DOCK1: variants seen among roughly 807,000 people sequenced by gnomAD.
DOCK1 encodes dedicator of cytokinesis protein 1.
Under a neutral mutation model 262.7 loss-of-function variants are expected in DOCK1, and 138 were observed. The ratio of observed to expected loss-of-function variants is 0.53; its 90% CI spans 0.46 to 0.61. DOCK1 has a LOEUF of 0.61. Among genes scored for constraint, DOCK1 ranks in the 20% least tolerant of loss-of-function variants. DOCK1 has a pLI of 0.00. For missense variants in DOCK1, 1,908 were observed against 2,370.7 expected, an observed-to-expected ratio of 0.80 and a Z score of 4.05; for synonymous variants, 866 against 867.4, an observed-to-expected ratio of 1.00 and a Z score of 0.03.
At chr10:127,388,228 T>C (rs1266071586) in intron 38 of DOCK1, among the ~76,000 whole-genome samples, 1 of 152,212 alleles carries the variant, frequency 6.6e-6, no homozygotes, top group African/African-American at 2.4e-5. Flanking sequence ...ACAAAGGCTA[T>C]GGCAAAGTGA....
intron 23 of DOCK1, among the ~76,000 whole-genome samples, chr10:127,094,926 T>C (rs2047815103): frequency 6.6e-6 from 1 of 152,190 alleles, no homozygotes; most frequent in Admixed American, 6.5e-5. Context: ...GGTGACCAGT[T>C]TTCACCAATT....
chr10:127,282,324 C>T (rs2060992074), intron 29 of DOCK1, among the ~76,000 whole-genome samples: 1 of 152,034 alleles, frequency 6.6e-6, no homozygotes, highest in South Asian at 2.1e-4. Context: ...AAAGCTAAAC[C>T]ATTGGCCTGG....
chr10:127,002,221 C>G (rs1243503151), intron 10 of DOCK1, among the ~76,000 whole-genome samples: 1 of 152,104 alleles, frequency 6.6e-6, no homozygotes, highest in African/African-American at 2.4e-5. Context: ...TTTGAGCAAT[C>G]AGAGACATCT....
At chr10:127,301,641 C>T (rs78203842) in intron 29 of DOCK1, among the ~76,000 whole-genome samples, 16,611 of 152,152 alleles carry the variant, frequency 0.11, 1,154 homozygotes, top group African/African-American at 0.19. Context: ...TTAAAGATCC[C>T]TGGACATAAA....
Position 126,963,640 on chromosome 10 carries a change from CTCCT to C in DOCK1, c.47-7033_47-7030del, listed in dbSNP as rs1229446126. 7.8e-3 allele frequency among the ~76,000 whole-genome samples: 510 copies of C among 65,056 alleles called. 16 individuals are homozygous for C. Among genetic ancestry groups the C allele is most frequent in the Admixed American group, 0.013 (66 of 5,218 alleles). 42.7% of individuals were successfully genotyped at this position (65,056 alleles called of 152,430 possible). On this transcript the variant is annotated intron_variant, in intron 1 of 51. Transcript: ENST00000623213. The stretch of plus-strand genomic sequence containing the variant: ...CTTCCCTTCCCTTCCCTTCCCTTCC[CTCCT>C]TCCTTCCTTCCTTCCTTCCTTCCTT...
chr10:127,108,524 T>G (rs1180198867), intron 24 of DOCK1, among the ~76,000 whole-genome samples: 1 of 152,088 alleles, frequency 6.6e-6, no homozygotes, highest in African/African-American at 2.4e-5. Context: ...AGGCAGAAAT[T>G]GCAGTGAGCC....
intron 12 of DOCK1, among the ~76,000 whole-genome samples, chr10:127,016,846 A>AC (rs1300000716): frequency 5.6e-5 from 8 of 142,026 alleles, no homozygotes; most frequent in Non-Finnish European, 1.2e-4. Flanking sequence ...ATACACACAC[A>AC]CAGATACCAT....
chr10:127,061,814 T>C (rs1319608609), intron 23 of DOCK1, 38 bp downstream of exon 23: 15 of 1,491,418 alleles, frequency 1.0e-5, no homozygotes, highest in Non-Finnish European at 1.3e-5. Flanking sequence ...CTTCTCCTTC[T>C]TTTTTTCTTT....
chr10:127,395,913 C>G (rs10829957), intron 38 of DOCK1, among the ~76,000 whole-genome samples: 19,152 of 152,252 alleles, frequency 0.13, 1,387 homozygotes, highest in South Asian at 0.25. Flanking sequence ...GAATGCTTCA[C>G]TTGCTGCAGA....
chr10:127,147,276 C>A (rs546488913), intron 27 of DOCK1, among the ~76,000 whole-genome samples: 1 of 152,138 alleles, frequency 6.6e-6, no homozygotes, highest in African/African-American at 2.4e-5. Context: ...GGTTTCCCAT[C>A]CATCCTTGGG....
chr10:127,303,273 G>A (rs2061752782), intron 29 of DOCK1, among the ~76,000 whole-genome samples: 1 of 152,084 alleles, frequency 6.6e-6, no homozygotes, highest in African/African-American at 2.4e-5. Context: ...GAACCTAATA[G>A]GATTCTTCCT....
chr10:127,011,304 T>C (rs1220066116), intron 11 of DOCK1, among the ~76,000 whole-genome samples: 1 of 152,218 alleles, frequency 6.6e-6, no homozygotes, highest in Non-Finnish European at 1.5e-5. Flanking sequence ...AACTGATTTA[T>C]TATCTCACAG....
intron 29 of DOCK1, among the ~76,000 whole-genome samples, chr10:127,298,258 C>G (rs912682462): frequency 6.6e-6 from 1 of 152,154 alleles, no homozygotes; most frequent in African/African-American, 2.4e-5. Context: ...GTCAGCCAAT[C>G]AGGTGTTTCA....
chr10:127,302,704 G>A (rs2061723314), intron 29 of DOCK1, among the ~76,000 whole-genome samples: 1 of 150,860 alleles, frequency 6.6e-6, no homozygotes, highest in Non-Finnish European at 1.5e-5. Flanking sequence ...ACTATTCTAT[G>A]CATAGGGACA....
At chr10:126,967,441 A>C (rs2037756092) in intron 1 of DOCK1, among the ~76,000 whole-genome samples, 1 of 152,192 alleles carries the variant, frequency 6.6e-6, no homozygotes, top group African/African-American at 2.4e-5. Context: ...TGGAGACCCC[A>C]GTTCCAGAGT....
At chr10:126,963,643 CTT>C (rs1591466058) in intron 1 of DOCK1, among the ~76,000 whole-genome samples, 30 of 105,414 alleles carry the variant, frequency 2.8e-4, no homozygotes, top group Admixed American at 5.4e-4. Flanking sequence ...CCCTTCCCTC[CTT>C]CCTTCCTTCC....
At chr10:127,047,472 C>G (rs1027903974) in intron 21 of DOCK1, among the ~76,000 whole-genome samples, 1 of 152,166 alleles carries the variant, frequency 6.6e-6, no homozygotes, top group Non-Finnish European at 1.5e-5. Context: ...ACTAATATGT[C>G]TGCATATTTT....
Position 127,355,250 on chromosome 10 carries a change from C to T in DOCK1, c.3283+523C>T, listed in dbSNP as rs567659178. Among the ~76,000 whole-genome samples the T allele has an allele frequency of 7.2e-5, 11 of 152,108 alleles. No homozygotes were observed. In the East Asian group the frequency reaches 9.7e-4, roughly 13 times the overall value. ...TTATTTGTAAATTAAGTAATTTTTT[C>T]CAACTACTTTTATCATGAACAGTAA... On this transcript the variant is annotated intron_variant, in intron 32 of 51. Coordinates refer to ENST00000623213, the MANE Select transcript of DOCK1 (RefSeq NM_001290223.2).
At chr10:127,207,774 T>C (rs887000111) in intron 27 of DOCK1, among the ~76,000 whole-genome samples, 1 of 152,200 alleles carries the variant, frequency 6.6e-6, no homozygotes, top group African/African-American at 2.4e-5. Flanking sequence ...AGAGAATATG[T>C]AGACAAATGG....
Sources: gnomAD v4.1 joint callset for allele counts (sites outside exome capture counted in the v4.1 genomes callset) on GRCh38, gnomAD v4.1.1 for gene constraint, MANE v1.5 for transcripts, NCBI Gene and HGNC (gene_info 2026-07-23, HGNC 2026-07-21) for gene names.